CDA: variants seen among roughly 807,000 people sequenced by gnomAD.
CDA encodes the protein cytidine aminohydrolase.
CDA carries 7 observed loss-of-function variants against 15.0 expected under a neutral mutation model. The observed-to-expected ratio is 0.47, with a 90% CI of 0.26 to 0.87. The LOEUF (loss-of-function observed/expected upper bound fraction) is 0.87, where lower values mean the gene tolerates loss of function less well. CDA is among the 40% of genes least tolerant of loss of function. CDA has a pLI of 0.15. For missense variants in CDA, 159 were observed against 182.7 expected, an observed-to-expected ratio of 0.87 and a Z score of 0.75; for synonymous variants, 58 against 73.0, an observed-to-expected ratio of 0.79 and a Z score of 1.05.
intron 3 of CDA, among the ~76,000 whole-genome samples, chr1:20,614,302 G>A (rs1249651169): frequency 6.7e-6 from 1 of 149,702 alleles, no homozygotes; most frequent in East Asian, 1.9e-4. Flanking sequence ...AAAAAAAAAA[G>A]GAGTCCAGTG....
intron 1 of CDA, among the ~76,000 whole-genome samples, chr1:20,594,034 C>T (rs1357397122): frequency 3.9e-5 from 6 of 152,160 alleles, no homozygotes; most frequent in East Asian, 1.9e-4. Flanking sequence ...GAGGCAGAAA[C>T]GGCACAGCTG....
Position 20,602,963 on chromosome 1 carries a change from G to A in CDA, c.155-1965G>A, listed in dbSNP as rs987906675. Among the ~76,000 whole-genome samples, 10 of 152,308 alleles carry A rather than the reference G, an allele frequency of 6.6e-5. No homozygotes were observed. In the South Asian group the frequency reaches 2.1e-3, roughly 32 times the overall value. ...GCTATTGTGGTGCCTGAAACAACAG[G>A]CTGTGTGGGCAGATGACACATCACA... On this transcript the variant is annotated intron_variant, in intron 1 of 3. Transcript: ENST00000375071.
intron 3 of CDA, among the ~76,000 whole-genome samples, chr1:20,616,726 A>T (rs1449359441): frequency 6.6e-6 from 1 of 152,218 alleles, no homozygotes; most frequent in Non-Finnish European, 1.5e-5. Context: ...GCAAATGATA[A>T]GAGATGAGGC....
intron 1 of CDA, among the ~76,000 whole-genome samples, chr1:20,591,913 G>A (rs928341550): frequency 6.7e-6 from 1 of 149,974 alleles, no homozygotes; most frequent in Non-Finnish European, 1.5e-5. Flanking sequence ...GCGCGATCTC[G>A]GCTCACTGCA....
chr1:20,608,971 A>G (rs1268569661), intron 2 of CDA, among the ~76,000 whole-genome samples: 1 of 152,258 alleles, frequency 6.6e-6, no homozygotes, highest in African/African-American at 2.4e-5. Flanking sequence ...GCTGGCACAC[A>G]GAACCACTAT....
intron 1 of CDA, among the ~76,000 whole-genome samples, chr1:20,600,695 A>C (rs1187061808): frequency 6.7e-6 from 1 of 149,436 alleles, no homozygotes; most frequent in Non-Finnish European, 1.5e-5. Flanking sequence ...TGGAGATTGC[A>C]GTGAGCTGAG....
At chr1:20,613,776 G>A (rs1174980938) in intron 2 of CDA, 66 bp from the exon 3 acceptor site, 18 of 1,477,694 alleles carry the variant, frequency 1.2e-5, no homozygotes, top group East Asian at 4.5e-5. Context: ...CTCAGGGCCT[G>A]AATCTTAGCA....
At chr1:20,614,463 C>G (rs2052784590) in intron 3 of CDA, among the ~76,000 whole-genome samples, 1 of 152,298 alleles carries the variant, frequency 6.6e-6, no homozygotes, top group Non-Finnish European at 1.5e-5. Context: ...CCACTTTGCC[C>G]TGACACAGCA....
chr1:20,616,065 C>T (rs1261657065), intron 3 of CDA, among the ~76,000 whole-genome samples: 2 of 152,052 alleles, frequency 1.3e-5, no homozygotes, highest in Non-Finnish European at 2.9e-5. Context: ...AAATGCATGT[C>T]GTTATTCCCA....
chr1:20,598,443 C>T (rs541050353), intron 1 of CDA, among the ~76,000 whole-genome samples: 6 of 152,380 alleles, frequency 3.9e-5, no homozygotes, highest in African/African-American at 1.4e-4. Context: ...AAATAAATTT[C>T]TGTCCTTTAT....
At chr1:20,608,140 G>A (rs1467545311) in intron 2 of CDA, among the ~76,000 whole-genome samples, 1 of 152,172 alleles carries the variant, frequency 6.6e-6, no homozygotes, top group African/African-American at 2.4e-5. Context: ...AACATCCTGA[G>A]GCAGCCAGCA....
chr1:20,618,059 A>G (rs903156156), intron 3 of CDA, among the ~76,000 whole-genome samples: 1 of 151,880 alleles, frequency 6.6e-6, no homozygotes, highest in African/African-American at 2.4e-5. Flanking sequence ...GCTTGAGAAC[A>G]GACTAATACA....
chr1:20,589,738 G>T (rs2052531131), intron 1 of CDA, among the ~76,000 whole-genome samples: 1 of 152,124 alleles, frequency 6.6e-6, no homozygotes, highest in African/African-American at 2.4e-5. Context: ...CTTGCCCAAG[G>T]TCACACGGGG....
intron 3 of CDA, among the ~76,000 whole-genome samples, chr1:20,617,854 C>T (rs1166536165): frequency 6.6e-6 from 1 of 151,952 alleles, no homozygotes; most frequent in African/African-American, 2.4e-5. Flanking sequence ...TGCCACCACG[C>T]CTGGCTAATT....
chr1:20,589,266 A>T lies in CDA; in HGVS notation c.137A>T (p.Glu46Val), dbSNP rs752436843. The change falls in exon 1 of 4, where the codon GAG becomes GTG. Residue 46 changes from glutamate to valine, a missense_variant. By Grantham distance (121) the Glu-to-Val change is moderately radical. Transcript: ENST00000375071. ...FPVGAALLTQEGRIFKGCNIE... is the reference protein window; with the variant it reads ...FPVGAALLTQVGRIFKGCNIE... ...GTGGGGGCTGCCCTGCTCACCCAGG[A>T]GGGGAGAATCTTCAAAGGTAAAGGT... 2 of 1,613,978 alleles carry T rather than the reference A, an allele frequency of 1.2e-6. No individual in the cohort carries two copies. Among genetic ancestry groups the T allele is most frequent in the East Asian group, 4.5e-5 (2 of 44,876 alleles).
At chr1:20,602,307 G>T (rs1434920980) in intron 1 of CDA, among the ~76,000 whole-genome samples, 1 of 152,090 alleles carries the variant, frequency 6.6e-6, no homozygotes, top group African/African-American at 2.4e-5. Context: ...TCTCTGTCCT[G>T]CAAAGTTGTC....
At chr1:20,589,543 A>G (rs960148887) in intron 1 of CDA, among the ~76,000 whole-genome samples, 2 of 152,196 alleles carry the variant, frequency 1.3e-5, no homozygotes, top group Non-Finnish European at 2.9e-5. Context: ...AGGGGAGGCC[A>G]TAAATCAAAA....
chr1:20,599,285 A>G (rs2052617731), intron 1 of CDA, among the ~76,000 whole-genome samples: 1 of 152,148 alleles, frequency 6.6e-6, no homozygotes, highest in South Asian at 2.1e-4. Context: ...CAGATCACAT[A>G]TGACCTTGGC....
intron 2 of CDA, among the ~76,000 whole-genome samples, chr1:20,606,786 G>A (rs754246433): frequency 9.2e-5 from 14 of 152,146 alleles, no homozygotes; most frequent in Non-Finnish European, 2.1e-4. Context: ...TACTTTCCAC[G>A]GGAGCATGTT....
Sources: gnomAD v4.1 joint callset for allele counts (sites outside exome capture counted in the v4.1 genomes callset) on GRCh38, gnomAD v4.1.1 for gene constraint, MANE v1.5 for transcripts, NCBI Gene and HGNC (gene_info 2026-07-23, HGNC 2026-07-21) for gene names.